Variants in FOXO3 observed in about 807,000 individuals in gnomAD.
FOXO3 encodes forkhead box protein O3.
A neutral mutation model predicts 41.9 loss-of-function variants in FOXO3; 4 were observed. The ratio of observed to expected loss-of-function variants is 0.10; its 90% confidence interval spans 0.05 to 0.22. FOXO3 has a LOEUF of 0.22. Ranked by LOEUF, FOXO3 falls within the 10% of genes least tolerant of loss-of-function variation. The pLI is 1.00. For missense variants in FOXO3, 534 were observed against 906.8 expected, an observed-to-expected ratio of 0.59 and a Z score of 5.28; for synonymous variants, 318 against 389.3, an observed-to-expected ratio of 0.82 and a Z score of 2.16.
intron 1 of FOXO3, among the ~76,000 whole-genome samples, chr6:108,570,338 A>G (rs779704011): frequency 1.3e-5 from 2 of 150,752 alleles, no homozygotes; most frequent in Non-Finnish European, 3.0e-5. Context: ...ATTTGAGACA[A>G]GGCCTTGCTC....
intron 1 of FOXO3, chr6:108,617,936 T>C: frequency 2.2e-6 from 1 of 453,440 alleles, no homozygotes. Context: ...TGCAGTTTTC[T>C]ACTTGAGAAG....
intron 1 of FOXO3, among the ~76,000 whole-genome samples, chr6:108,649,515 CTTT>C (rs886836999): frequency 2.0e-3 from 193 of 95,160 alleles, no homozygotes; most frequent in Non-Finnish European, 3.6e-3. Flanking sequence ...CCACCCTCAG[CTTT>C]TTTTTTTTTT....
intron 2 of FOXO3, among the ~76,000 whole-genome samples, chr6:108,666,869 C>G (rs1779077993): frequency 6.6e-6 from 1 of 152,208 alleles, no homozygotes; most frequent in Non-Finnish European, 1.5e-5. Flanking sequence ...TTAACAGGTT[C>G]TGTTCCGTGC....
rs74979663 is a variant in FOXO3 at position 108,600,990 on chromosome 6, T to C, written c.621+39161T>C. On this transcript the variant is annotated intron_variant, in intron 1 of 2. Transcript: ENST00000406360. The stretch of plus-strand genomic sequence containing the variant: ...CTGTCAAGATACAGAACATTTCTTA[T>C]CACTGCAAGGATCCTTCCTATTGTC... 3.0e-3 allele frequency among the ~76,000 whole-genome samples: 455 copies of C among 152,258 alleles called. 5 individuals carry two copies. The East Asian group carries it at 0.056, about 19-fold the overall frequency.
At chr6:108,631,215 T>C (rs895832381) in intron 1 of FOXO3, among the ~76,000 whole-genome samples, 1 of 152,172 alleles carries the variant, frequency 6.6e-6, no homozygotes, top group South Asian at 2.1e-4. Context: ...GATGGGCACC[T>C]GGGGAAATAG....
chr6:108,596,372 T>C (rs1776882297), intron 1 of FOXO3, among the ~76,000 whole-genome samples: 1 of 119,810 alleles, frequency 8.3e-6, no homozygotes, highest in South Asian at 2.6e-4. Context: ...TCCTGGTTAA[T>C]GGCCTAAATG....
chr6:108,590,629 G>T (rs1776709559), intron 1 of FOXO3, among the ~76,000 whole-genome samples: 1 of 152,104 alleles, frequency 6.6e-6, no homozygotes, highest in African/African-American at 2.4e-5. Context: ...ACACTTCCAG[G>T]TAATTTGGAT....
intron 1 of FOXO3, among the ~76,000 whole-genome samples, chr6:108,576,238 T>A (rs538671377): frequency 1.3e-5 from 2 of 152,336 alleles, no homozygotes; most frequent in South Asian, 4.1e-4. Flanking sequence ...TCTCCTCCCC[T>A]TACAAGAAAG....
chr6:108,671,223 C>T (rs1181754209), intron 2 of FOXO3, among the ~76,000 whole-genome samples: 1 of 152,126 alleles, frequency 6.6e-6, no homozygotes, highest in African/African-American at 2.4e-5. Flanking sequence ...ACTAACAGGT[C>T]AGAGTTCAGG....
rs1421065159 is a variant in FOXO3, at chr6:108,683,970, TAAAAG to T, written c.*4180_*4184del. On this transcript the variant is annotated 3_prime_UTR_variant, in exon 3 of 3. Coordinates refer to ENST00000406360, the MANE Select transcript of FOXO3 (RefSeq NM_001455.4). Reference sequence around the variant, plus strand: ...TGAGGTCTTGAAGCGGATGCCCAAATAAAAGAGTATATTTTATCTAAATCTTAAGT... The same window carrying T: ...TGAGGTCTTGAAGCGGATGCCCAAATAGTATATTTTATCTAAATCTTAAGT... The T allele has an allele frequency of 6.6e-6, 1 of 152,464 alleles. No individual in the cohort carries two copies. The allele number at this position is 152,464 out of a possible 1,614,324, so 9.4% of individuals were successfully genotyped here.
At chr6:108,648,700 A>G (rs1778461623) in intron 1 of FOXO3, among the ~76,000 whole-genome samples, 1 of 152,186 alleles carries the variant, frequency 6.6e-6, no homozygotes, top group Non-Finnish European at 1.5e-5. Flanking sequence ...TGGACTGTCA[A>G]GAATGGCAAA....
chr6:108,605,498 T>C (rs1777174321), intron 1 of FOXO3, among the ~76,000 whole-genome samples: 1 of 152,248 alleles, frequency 6.6e-6, no homozygotes, highest in Non-Finnish European at 1.5e-5. Flanking sequence ...CTGACACTAC[T>C]GTGTCTTTTA....
At chr6:108,593,258 AT>A (rs1776779796) in intron 1 of FOXO3, among the ~76,000 whole-genome samples, 2 of 152,330 alleles carry the variant, frequency 1.3e-5, no homozygotes, top group South Asian at 2.1e-4. Context: ...AGGTAGTACT[AT>A]TTTTTAAATA....
intron 1 of FOXO3, among the ~76,000 whole-genome samples, chr6:108,582,764 G>T (rs911223383): frequency 6.6e-6 from 1 of 151,910 alleles, no homozygotes; most frequent in African/African-American, 2.4e-5. Context: ...AAAACAGGAC[G>T]GTAGGCCAGT....
chr6:108,613,100 G>A (rs1243383588), intron 1 of FOXO3, among the ~76,000 whole-genome samples: 1 of 152,126 alleles, frequency 6.6e-6, no homozygotes, highest in African/African-American at 2.4e-5. Context: ...TACATTCCTG[G>A]GATAAATCCC....
chr6:108,638,275 C>T (rs1778170457), intron 1 of FOXO3, among the ~76,000 whole-genome samples: 1 of 152,186 alleles, frequency 6.6e-6, no homozygotes, highest in Non-Finnish European at 1.5e-5. Context: ...CTTGTGTCCC[C>T]CTTTAACCAG....
chr6:108,591,262 C>T (rs931582212), intron 1 of FOXO3, among the ~76,000 whole-genome samples: 1 of 152,220 alleles, frequency 6.6e-6, no homozygotes, highest in African/African-American at 2.4e-5. Flanking sequence ...GCCAGCCATC[C>T]TGAAACTACT....
chr6:108,653,958 G>A (rs1409945764), intron 1 of FOXO3, among the ~76,000 whole-genome samples: 1 of 152,192 alleles, frequency 6.6e-6, no homozygotes, highest in Non-Finnish European at 1.5e-5. Context: ...TGTGGGAAGG[G>A]GAAACAGATT....
intron 1 of FOXO3, among the ~76,000 whole-genome samples, chr6:108,639,951 G>T (rs189627103): frequency 4.4e-4 from 67 of 152,290 alleles, no homozygotes; most frequent in African/African-American, 1.5e-3. Context: ...CTCCTTGGAG[G>T]GGCAGAATCT....
Sources: allele counts gnomAD v4.1 joint callset (sites outside exome capture counted in the v4.1 genomes callset), GRCh38; gene constraint gnomAD v4.1.1; transcripts MANE v1.5; gene names NCBI Gene and HGNC (gene_info 2026-07-23, HGNC 2026-07-21).